The following HPCAL1 variants were observed in gnomAD, a reference collection of about 807,000 sequenced individuals.
HPCAL1 encodes hippocalcin-like protein 1.
A neutral mutation model predicts 17.1 loss-of-function variants in HPCAL1; 8 were observed. The ratio of observed to expected loss-of-function variants is 0.47; its 90% CI spans 0.27 to 0.84. The LOEUF (loss-of-function observed/expected upper bound fraction) is 0.84. Ranked by LOEUF, HPCAL1 falls within the 40% of genes least tolerant of loss-of-function variation. The probability of loss-of-function intolerance (pLI) is 0.13; values close to 1 mark genes in which losing one functional copy is unlikely to be tolerated. For synonymous variants in HPCAL1, 112 were observed against 111.4 expected, an observed-to-expected ratio of 1.01 and a Z score of -0.03; for missense variants, 165 against 271.1, an observed-to-expected ratio of 0.61 and a Z score of 2.75.
intron 1 of HPCAL1, among the ~76,000 whole-genome samples, chr2:10,314,442 G>A (rs182472932): frequency 1.5e-3 from 232 of 152,298 alleles, no homozygotes; most frequent in African/African-American, 5.4e-3. Flanking sequence ...GACTCGTGGC[G>A]TAAGGGCGAG....
intron 1 of HPCAL1, among the ~76,000 whole-genome samples, chr2:10,349,472 C>G (rs974541304): frequency 6.9e-6 from 1 of 145,690 alleles, no homozygotes; most frequent in African/African-American, 2.5e-5. Context: ...CTTTGGGAGG[C>G]TGAGGCGGGT....
chr2:10,317,291 G>T (rs1663377294), intron 1 of HPCAL1, among the ~76,000 whole-genome samples: 1 of 152,002 alleles, frequency 6.6e-6, no homozygotes, highest in Non-Finnish European at 1.5e-5. Flanking sequence ...TTTCCTATCA[G>T]AAGCACTTCC....
At chr2:10,403,406 A>G (rs1433588156) in intron 2 of HPCAL1, among the ~76,000 whole-genome samples, 1 of 151,998 alleles carries the variant, frequency 6.6e-6, no homozygotes, top group East Asian at 1.9e-4. Flanking sequence ...CCAGGCCTCC[A>G]GCTCCATTCT....
chr2:10,339,664 T>C (rs1402095320), intron 1 of HPCAL1, among the ~76,000 whole-genome samples: 2 of 152,206 alleles, frequency 1.3e-5, no homozygotes, highest in Non-Finnish European at 2.9e-5. Flanking sequence ...TGAACTCTTT[T>C]ACAGTAAAAA....
chr2:10,395,596 T>G lies in HPCAL1; in HGVS notation c.-110-1239T>G, dbSNP rs1471215721. Among the ~76,000 whole-genome samples, 4 of 152,132 alleles carry G rather than the reference T, an allele frequency of 2.6e-5. No individual in the cohort carries two copies. On this transcript the variant is annotated intron_variant, in intron 1 of 4. Coordinates refer to ENST00000307845, the MANE Select transcript of HPCAL1 (RefSeq NM_002149.4). This position sits in a 1 kb window ranked among gnomAD's most constrained non-coding sequence, Gnocchi z 4.4. The stretch of plus-strand genomic sequence containing the variant: ...AGGGTGAACAAGCCACTTCGTCTAG[T>G]GGGTGCTTGTAAAGCGGGATCGTTG...
chr2:10,386,180 C>T (rs900994309), intron 1 of HPCAL1, among the ~76,000 whole-genome samples: 1 of 152,178 alleles, frequency 6.6e-6, no homozygotes, highest in South Asian at 2.1e-4. Context: ...TAGACATGTG[C>T]CTTCCATCTT....
chr2:10,405,832 C>T (rs1230157459), intron 2 of HPCAL1, among the ~76,000 whole-genome samples: 1 of 152,220 alleles, frequency 6.6e-6, no homozygotes, highest in Non-Finnish European at 1.5e-5. Context: ...GCGTCTAAAG[C>T]CTCAGTATCT....
intron 2 of HPCAL1, among the ~76,000 whole-genome samples, chr2:10,404,937 G>A (rs559244439): frequency 3.9e-4 from 59 of 152,038 alleles, no homozygotes; most frequent in Non-Finnish European, 5.4e-4. Context: ...CCCACCTCCC[G>A]CCGGGCTGTG....
Position 10,384,110 on chromosome 2 carries a change from C to G in HPCAL1, c.-110-12725C>G, listed in dbSNP as rs557735644. On this transcript the variant is annotated intron_variant, in intron 1 of 4. Transcript: ENST00000307845. This position sits in a 1 kb window ranked among gnomAD's most constrained non-coding sequence, Gnocchi z 4.4. The stretch of plus-strand genomic sequence containing the variant: ...CAAGAATCAGCATCCTAATACTTGC[C>G]CCACCCTTTAAAATAAACTTCCCAA... Among the ~76,000 whole-genome samples the G allele has an allele frequency of 4.3e-4, 66 of 152,140 alleles. 1 individual carries two copies. The highest frequency in any genetic ancestry group is 1.7e-3 in the South Asian group (8 of 4,802).
In HPCAL1 at chr2:10,360,328, A is replaced by G. The variant is rs188425251; in HGVS notation, c.-110-36507A>G. ...CCGTTTCATGGGAGACTTCTCTCACAAAGCGAATGAGCTCAAATACGGAAG... is the reference window on the plus strand; with the variant it reads ...CCGTTTCATGGGAGACTTCTCTCACGAAGCGAATGAGCTCAAATACGGAAG... On this transcript the variant is annotated intron_variant, in intron 1 of 4. Coordinates refer to ENST00000307845, the MANE Select transcript of HPCAL1 (RefSeq NM_002149.4). Among the ~76,000 whole-genome samples, 4 of 152,334 alleles carry G rather than the reference A, an allele frequency of 2.6e-5. No individual in the cohort carries two copies. The East Asian group carries it at 7.7e-4, about 29-fold the overall frequency.
At chr2:10,398,690 C>G (rs2125580373) in intron 2 of HPCAL1, among the ~76,000 whole-genome samples, 1 of 152,152 alleles carries the variant, frequency 6.6e-6, no homozygotes, top group East Asian at 1.9e-4. Flanking sequence ...CCTGCCCCGC[C>G]CTTAGATCTG....
rs562799090 is a variant in HPCAL1 at position 10,370,767 on chromosome 2, C to T, written c.-110-26068C>T. 9.8e-5 allele frequency among the ~76,000 whole-genome samples: 15 copies of T among 152,350 alleles called. No homozygotes were observed. The South Asian group carries it at 2.9e-3, about 29-fold the overall frequency. On this transcript the variant is annotated intron_variant, in intron 1 of 4. Transcript: ENST00000307845. ...ATCCCAAAGATGTGGTGCCCTGCTC[C>T]TGGGGGTCTTGGGGGCTCCCAGGTA...
intron 1 of HPCAL1, among the ~76,000 whole-genome samples, chr2:10,312,049 C>T (rs928780104): frequency 6.6e-5 from 10 of 151,434 alleles, no homozygotes; most frequent in African/African-American, 1.5e-4. Context: ...TCATCATCAT[C>T]GTCATCACTA....
intron 1 of HPCAL1, among the ~76,000 whole-genome samples, chr2:10,328,516 A>G (rs1346875949): frequency 6.6e-6 from 1 of 152,222 alleles, no homozygotes; most frequent in Non-Finnish European, 1.5e-5. Flanking sequence ...CCAATCATTG[A>G]GAACCCAGCT....
rs553228833 is a variant in HPCAL1, at chr2:10,334,695, C to CTTTTTTTTTTTTT, written c.-111+31526_-111+31527insTTTTTTTTTTTTT. Among the ~76,000 whole-genome samples the CTTTTTTTTTTTTT allele has an allele frequency of 1.2e-3, 176 of 146,400 alleles. 3 individuals are homozygous for CTTTTTTTTTTTTT. The highest frequency in any genetic ancestry group is 3.4e-3 in the African/African-American group (131 of 39,024). ...TAACTGCTGTATACAATTCCATTGA[C>CTTTTTTTTTTTTT]TTTTTTTTGAGGCAGGGTCTCGCTC... On this transcript the variant is annotated intron_variant, in intron 1 of 4. Transcript: ENST00000307845.
At chr2:10,389,564 C>T (rs1325944673) in intron 1 of HPCAL1, among the ~76,000 whole-genome samples, 1 of 152,220 alleles carries the variant, frequency 6.6e-6, no homozygotes, top group Admixed American at 6.5e-5. Flanking sequence ...TTCCAGCCCC[C>T]AGAACTGTAA....
chr2:10,336,171 G>T lies in HPCAL1; in HGVS notation c.-111+32994G>T, dbSNP rs1160540984. Among the ~76,000 whole-genome samples the T allele has an allele frequency of 2.1e-5, 3 of 140,212 alleles. 1 individual carries two copies. Among genetic ancestry groups the T allele is most frequent in the Non-Finnish European group, 4.6e-5 (3 of 64,632 alleles). The allele number at this position is 140,212 out of a possible 152,430, so 92.0% of individuals were successfully genotyped here. A position where few individuals can be genotyped will look rare whatever the true frequency, so the allele number is the denominator to read the frequency against. ...TAATTGCATGTTCGTATCCTCTGCT[G>T]TAAATTAATTGCATGTGCGTATCCT... is the stretch of plus-strand genomic sequence containing the variant. On this transcript the variant is annotated intron_variant, in intron 1 of 4. Transcript: ENST00000307845.
At chr2:10,353,756 C>T (rs558892320) in intron 1 of HPCAL1, among the ~76,000 whole-genome samples, 3 of 152,188 alleles carry the variant, frequency 2.0e-5, no homozygotes, top group Non-Finnish European at 2.9e-5. Flanking sequence ...TTTTAGTAGA[C>T]GAGGTCTCAC....
Position 10,310,896 on chromosome 2 carries a change from T to C in HPCAL1, c.-111+7719T>C, listed in dbSNP as rs1662914417. On this transcript the variant is annotated intron_variant, in intron 1 of 4. Transcript: ENST00000307845. This position sits in a 1 kb window ranked among gnomAD's most constrained non-coding sequence, Gnocchi z 4.5. Reference sequence around the variant, plus strand: ...TAACAGACGTTTCCAGAAAGCAGAATTGATGACAGCCCCAACTCCTCCCTT... The same window carrying C: ...TAACAGACGTTTCCAGAAAGCAGAACTGATGACAGCCCCAACTCCTCCCTT... Among the ~76,000 whole-genome samples, 2 of 152,222 alleles carry C rather than the reference T, an allele frequency of 1.3e-5. No homozygotes were observed. Among genetic ancestry groups the C allele is most frequent in the African/African-American group, 4.8e-5 (2 of 41,458 alleles).
Sources: allele counts gnomAD v4.1 joint callset (sites outside exome capture counted in the v4.1 genomes callset), GRCh38; gene constraint gnomAD v4.1.1; non-coding constraint Gnocchi (gnomAD v3.1); transcripts MANE v1.5; gene names NCBI Gene and HGNC (gene_info 2026-07-23, HGNC 2026-07-21).